Variants in SHC3 observed in about 807,000 individuals in gnomAD.
SHC3 encodes SHC adaptor protein 3.
SHC3 carries 15 observed loss-of-function variants against 60.4 expected under a neutral mutation model. The ratio of observed to expected loss-of-function variants is 0.25; its 90% CI spans 0.17 to 0.38. The LOEUF is 0.38. Among genes scored for constraint, SHC3 ranks in the 10% least tolerant of loss-of-function variants. The pLI is 1.00. For missense variants in SHC3, 677 were observed against 786.1 expected (o/e 0.86, Z 1.66); for synonymous variants, 294 against 325.9 (o/e 0.90, Z 1.05).
intron 11 of SHC3, among the ~76,000 whole-genome samples, chr9:89,019,119 T>C (rs1296542768): frequency 2.0e-5 from 3 of 151,488 alleles, no homozygotes; most frequent in Non-Finnish European, 4.4e-5. Flanking sequence ...TTATATCTGA[T>C]ACTGAGGAAC....
At chr9:89,062,197 G>A (rs766147105) in intron 6 of SHC3, among the ~76,000 whole-genome samples, 11 of 152,162 alleles carry the variant, frequency 7.2e-5, no homozygotes, top group African/African-American at 9.7e-5. Flanking sequence ...GGAGTCACCC[G>A]GTAGTAATGA....
intron 6 of SHC3, among the ~76,000 whole-genome samples, chr9:89,065,295 T>C (rs1825159938): frequency 6.6e-6 from 1 of 152,152 alleles, no homozygotes; most frequent in African/African-American, 2.4e-5. Flanking sequence ...TGTAAATCAA[T>C]TGTACCAAAC....
At chr9:89,140,944 T>C (rs1334602858) in intron 1 of SHC3, among the ~76,000 whole-genome samples, 1 of 152,230 alleles carries the variant, frequency 6.6e-6, no homozygotes, top group African/African-American at 2.4e-5. Context: ...ATATATAGTT[T>C]AGATATCCAT....
chr9:89,027,352 C>T (rs774371596), intron 11 of SHC3, among the ~76,000 whole-genome samples: 13 of 89,848 alleles, frequency 1.4e-4, no homozygotes, highest in Non-Finnish European at 2.0e-4. Context: ...GACTGAGTCT[C>T]GCTGTCGCCC....
chr9:89,077,757 A>G, intron 3 of SHC3, 83 bp downstream of exon 3: 1 of 1,506,186 alleles, frequency 6.6e-7, no homozygotes, highest in South Asian at 1.1e-5. Context: ...ACAATGAATA[A>G]TTCTGTGTGA....
rs1825983129 is a variant in SHC3, at chr9:89,009,124, T to A, written c.*4323A>T. ...GGACTGTGAGTCCTGTGCTCTTTTC[T>A]AAGTTGATCCCCAGGCCCTTGCATG... On this transcript the variant is annotated 3_prime_UTR_variant, in exon 12 of 12. Transcript: ENST00000375835. 6.6e-6 allele frequency: 1 copy of A among 152,262 alleles called. No homozygotes were observed. Among genetic ancestry groups the A allele is most frequent in the Non-Finnish European group, 1.5e-5 (1 of 68,096 alleles). 9.4% of individuals were successfully genotyped at this position (152,262 alleles called of 1,614,324 possible).
At chr9:89,038,887 C>T (rs771736697) in intron 10 of SHC3, among the ~76,000 whole-genome samples, 1 of 152,216 alleles carries the variant, frequency 6.6e-6, no homozygotes, top group Non-Finnish European at 1.5e-5. Flanking sequence ...ACTTGTTTCC[C>T]TGTGGAACGA....
intron 5 of SHC3, among the ~76,000 whole-genome samples, chr9:89,069,674 C>T (rs1426259070): frequency 6.6e-6 from 1 of 152,230 alleles, no homozygotes; most frequent in East Asian, 1.9e-4. Flanking sequence ...CACTGAGAAG[C>T]AGCAGGGCCC....
intron 11 of SHC3, among the ~76,000 whole-genome samples, chr9:89,015,821 C>T (rs1826084237): frequency 6.6e-6 from 1 of 152,066 alleles, no homozygotes; most frequent in Middle Eastern, 3.2e-3. Flanking sequence ...GGCTGTGCAT[C>T]GTAAAGAGGA....
intron 9 of SHC3, among the ~76,000 whole-genome samples, chr9:89,044,458 A>G (rs771661404): frequency 6.6e-6 from 1 of 152,246 alleles, no homozygotes; most frequent in Non-Finnish European, 1.5e-5. Flanking sequence ...ATAAATAGCT[A>G]TAATGAAGGA....
chr9:89,050,629 A>G (rs1333933749), intron 7 of SHC3, among the ~76,000 whole-genome samples: 4 of 152,110 alleles, frequency 2.6e-5, no homozygotes, highest in Non-Finnish European at 4.4e-5. Flanking sequence ...ATTTATCCAT[A>G]TACTATATAT....
At chr9:89,073,072 T>C (rs1825299963) in intron 4 of SHC3, among the ~76,000 whole-genome samples, 1 of 152,118 alleles carries the variant, frequency 6.6e-6, no homozygotes, top group Non-Finnish European at 1.5e-5. Flanking sequence ...ATCTTCCCTC[T>C]GGCGCAAAGG....
intron 2 of SHC3, among the ~76,000 whole-genome samples, chr9:89,103,201 T>C (rs1419491179): frequency 6.6e-6 from 1 of 151,988 alleles, no homozygotes; most frequent in Non-Finnish European, 1.5e-5. Context: ...CGTTAACCTA[T>C]TCACAAGAAC....
At chr9:89,079,658 G>C (rs1212530921) in intron 2 of SHC3, among the ~76,000 whole-genome samples, 1 of 152,222 alleles carries the variant, frequency 6.6e-6, no homozygotes, top group African/African-American at 2.4e-5. Flanking sequence ...TACTTTTGGG[G>C]AAGGGAGGTA....
intron 11 of SHC3, among the ~76,000 whole-genome samples, chr9:89,032,649 C>G (rs1016985152): frequency 6.6e-6 from 1 of 152,156 alleles, no homozygotes; most frequent in Non-Finnish European, 1.5e-5. Flanking sequence ...TGACACCTTA[C>G]GAACAGGGCT....
chr9:89,147,289 G>A (rs1826482410), intron 1 of SHC3, among the ~76,000 whole-genome samples: 1 of 152,076 alleles, frequency 6.6e-6, no homozygotes, highest in South Asian at 2.1e-4. Flanking sequence ...CAAAATTAGT[G>A]AGGTTCTACA....
intron 7 of SHC3, among the ~76,000 whole-genome samples, chr9:89,049,037 G>GA (rs1451417019): frequency 6.6e-6 from 1 of 152,140 alleles, no homozygotes; most frequent in African/African-American, 2.4e-5. Flanking sequence ...CGAGAGGGGC[G>GA]GATCACGAGG....
intron 2 of SHC3, among the ~76,000 whole-genome samples, chr9:89,090,684 G>T (rs1355284977): frequency 6.6e-6 from 1 of 152,198 alleles, no homozygotes; most frequent in African/African-American, 2.4e-5. Context: ...GCACCAGGGT[G>T]CAGCCACAGA....
At position 89,012,519 on chromosome 9, in the gene SHC3, A is replaced by G. The variant is rs925623470; in HGVS notation, c.*928T>C. ...CACACAGGCTTCTCCCCTATTGTATAAGGCGGGCGGGGGACTTTACTAGCA... is the reference window on the plus strand; with the variant it reads ...CACACAGGCTTCTCCCCTATTGTATGAGGCGGGCGGGGGACTTTACTAGCA... On this transcript the variant is annotated 3_prime_UTR_variant, in exon 12 of 12. Transcript: ENST00000375835. 7 of 152,042 alleles carry G rather than the reference A, an allele frequency of 4.6e-5. No individual in the cohort carries two copies. The highest frequency in any genetic ancestry group is 1.7e-4 in the African/African-American group (7 of 41,388). The allele number at this position is 152,042 out of a possible 1,614,324, so 9.4% of individuals were successfully genotyped here. A position where few individuals can be genotyped will look rare whatever the true frequency, so the allele number is the denominator to read the frequency against.
Sources: gnomAD v4.1 joint callset for allele counts (sites outside exome capture counted in the v4.1 genomes callset) on GRCh38, gnomAD v4.1.1 for gene constraint, MANE v1.5 for transcripts, NCBI Gene and HGNC (gene_info 2026-07-23, HGNC 2026-07-21) for gene names.